Variants in NR3C2 observed in about 807,000 individuals in gnomAD.
NR3C2 encodes the protein nuclear receptor subfamily 3 group C member 2.
A neutral mutation model predicts 86.4 loss-of-function variants in NR3C2; 15 were observed. That is an observed-to-expected ratio of 0.17 (90% CI 0.12 to 0.27). The LOEUF is 0.27. NR3C2 is among the 10% of genes least tolerant of loss of function. The pLI is 1.00. For missense variants in NR3C2, 960 were observed against 1,195.6 expected (o/e 0.80, Z 2.91); for synonymous variants, 458 against 450.5 (o/e 1.02, Z -0.21).
intron 8 of NR3C2, among the ~76,000 whole-genome samples, chr4:148,113,838 T>C (rs1732151762): frequency 6.6e-6 from 1 of 152,188 alleles, no homozygotes; most frequent in South Asian, 2.1e-4. Flanking sequence ...GAAAATGCTA[T>C]ATAACCTGAA....
At chr4:148,319,993 A>C (rs957949117) in intron 2 of NR3C2, among the ~76,000 whole-genome samples, 1 of 147,672 alleles carries the variant, frequency 6.8e-6, no homozygotes, top group African/African-American at 2.6e-5. Context: ...TTGCCCATTC[A>C]GTATGATATT....
At chr4:148,295,030 AGAT>A (rs1311825657) in intron 2 of NR3C2, among the ~76,000 whole-genome samples, 1 of 152,126 alleles carries the variant, frequency 6.6e-6, no homozygotes, top group Non-Finnish European at 1.5e-5. Flanking sequence ...ACCATTAATC[AGAT>A]GATGATGAAA....
At chr4:148,119,224 C>T (rs377069808) in intron 7 of NR3C2, among the ~76,000 whole-genome samples, 4 of 152,246 alleles carry the variant, frequency 2.6e-5, no homozygotes, top group African/African-American at 4.8e-5. Context: ...TAAATGAATA[C>T]GTAAATAAAG....
intron 3 of NR3C2, among the ~76,000 whole-genome samples, chr4:148,255,196 T>A (rs1484297690): frequency 1.3e-5 from 2 of 152,168 alleles, no homozygotes; most frequent in Non-Finnish European, 1.5e-5. Context: ...GAAACACACT[T>A]TCCTCTGGAA....
chr4:148,333,188 T>C (rs1042710199), intron 2 of NR3C2, among the ~76,000 whole-genome samples: 7 of 152,088 alleles, frequency 4.6e-5, no homozygotes, highest in African/African-American at 1.7e-4. Context: ...GGAAAACTGC[T>C]TGAACCCGGG....
intron 1 of NR3C2, among the ~76,000 whole-genome samples, chr4:148,440,133 A>G (rs1750265480): frequency 6.6e-6 from 1 of 152,278 alleles, no homozygotes; most frequent in South Asian, 2.1e-4. Flanking sequence ...GATTGGCAAT[A>G]GTCAAACACA....
At chr4:148,415,101 A>T (rs1368247258) in intron 2 of NR3C2, among the ~76,000 whole-genome samples, 1 of 152,234 alleles carries the variant, frequency 6.6e-6, no homozygotes, top group East Asian at 1.9e-4. Flanking sequence ...CTATTTACTC[A>T]GTTAACTTTG....
At position 148,436,758 on chromosome 4, in the gene NR3C2, C is replaced by G. The variant is rs141860706; in HGVS notation, c.103G>C (p.Glu35Gln). Residue 35 changes from glutamate (E) to glutamine (Q), a missense_variant, in exon 2 of 9, where the codon GAG becomes CAG. Transcript: ENST00000358102. ...AVERSSLGPT[E>Q]RTDENNYMEI... ...ATGTAGTTATTCTCATCGGTCCTCTCTGTAGGTCCCAGGGAAGAACGCTCC... is the reference window on the plus strand; with the variant it reads ...ATGTAGTTATTCTCATCGGTCCTCTGTGTAGGTCCCAGGGAAGAACGCTCC... The G allele has an allele frequency of 2.4e-4, 393 of 1,614,102 alleles. 3 individuals carry two copies. Among genetic ancestry groups the G allele is most frequent in the Middle Eastern group, 2.1e-3 (13 of 6,062 alleles).
At chr4:148,393,521 A>G (rs1747698398) in intron 2 of NR3C2, among the ~76,000 whole-genome samples, 2 of 152,268 alleles carry the variant, frequency 1.3e-5, no homozygotes, top group African/African-American at 4.8e-5. Flanking sequence ...ATCTTGCCCA[A>G]GTGAATGGGC....
Position 148,187,610 on chromosome 4 carries a change from G to C in NR3C2, c.2014+7136C>G, listed in dbSNP as rs1014540234. On this transcript the variant is annotated intron_variant, in intron 4 of 8. Coordinates refer to ENST00000358102, the MANE Select transcript of NR3C2 (RefSeq NM_000901.5). ...GATTCTGTATATTAGCCCTTTGTCA[G>C]ATGTACAGAAGATTTTCTCCCACTC... 2.0e-5 allele frequency among the ~76,000 whole-genome samples: 3 copies of C among 152,030 alleles called. No homozygotes were observed. In the East Asian group the frequency reaches 5.8e-4, roughly 29 times the overall value.
intron 2 of NR3C2, among the ~76,000 whole-genome samples, chr4:148,369,227 T>C (rs1214370350): frequency 6.6e-6 from 1 of 152,212 alleles, no homozygotes; most frequent in Non-Finnish European, 1.5e-5. Context: ...TACATGGCAT[T>C]GCATTAGCGA....
chr4:148,091,732 A>C (rs1731071844), intron 8 of NR3C2, among the ~76,000 whole-genome samples: 1 of 152,236 alleles, frequency 6.6e-6, no homozygotes, highest in Admixed American at 6.5e-5. Context: ...AGCCTAAAAA[A>C]GCCAGGAAAT....
chr4:148,138,219 C>T (rs575161168), intron 6 of NR3C2, among the ~76,000 whole-genome samples: 9 of 152,214 alleles, frequency 5.9e-5, no homozygotes, highest in East Asian at 3.9e-4. Context: ...TGTTAGGGAC[C>T]GGGGCTTACG....
At chr4:148,261,328 C>T (rs1011695069) in intron 2 of NR3C2, among the ~76,000 whole-genome samples, 22 of 151,646 alleles carry the variant, frequency 1.5e-4, no homozygotes, top group East Asian at 7.8e-4. Context: ...CGCTATGGTG[C>T]GCTATGGTAA....
At chr4:148,126,316 C>T (rs1361500561) in intron 6 of NR3C2, among the ~76,000 whole-genome samples, 1 of 152,166 alleles carries the variant, frequency 6.6e-6, no homozygotes, top group East Asian at 1.9e-4. Context: ...CACATGTTAG[C>T]TTTATTTGGA....
intron 1 of NR3C2, among the ~76,000 whole-genome samples, chr4:148,440,514 A>G (rs936588905): frequency 3.3e-5 from 5 of 152,294 alleles, no homozygotes; most frequent in Admixed American, 3.3e-4. Flanking sequence ...AATCTAACTA[A>G]CAAAAATCAG....
chr4:148,298,688 A>C (rs1357414418), intron 2 of NR3C2, among the ~76,000 whole-genome samples: 6 of 152,210 alleles, frequency 3.9e-5, no homozygotes, highest in Non-Finnish European at 7.3e-5. Context: ...GTCTCTTATC[A>C]TCCACTGTTA....
At chr4:148,316,634 T>C (rs563690140) in intron 2 of NR3C2, among the ~76,000 whole-genome samples, 4 of 152,330 alleles carry the variant, frequency 2.6e-5, no homozygotes, top group Non-Finnish European at 5.9e-5. Context: ...TAGCCAAAAT[T>C]ATGCTCAGTT....
chr4:148,241,227 A>G lies in NR3C2; in HGVS notation c.1897+18751T>C, dbSNP rs895230363. On this transcript the variant is annotated intron_variant, in intron 3 of 8. Coordinates refer to ENST00000358102, the MANE Select transcript of NR3C2 (RefSeq NM_000901.5). ...AGGCTGAGGCAGGAGAATCACTGGA[A>G]CCCAGGAGGCAGAGGTTGCAGTGAG... Among the ~76,000 whole-genome samples, 17 of 138,250 alleles carry G rather than the reference A, an allele frequency of 1.2e-4. 1 individual carries two copies. The Admixed American group carries it at 1.3e-3, about 11-fold the overall frequency. 90.7% of individuals were successfully genotyped at this position (138,250 alleles called of 152,430 possible). A position where few individuals can be genotyped will look rare whatever the true frequency, so the allele number is the denominator to read the frequency against.
Sources: allele counts gnomAD v4.1 joint callset (sites outside exome capture counted in the v4.1 genomes callset), GRCh38; gene constraint gnomAD v4.1.1; transcripts MANE v1.5; gene names NCBI Gene and HGNC (gene_info 2026-07-23, HGNC 2026-07-21).